ZNF236: variants seen among roughly 807,000 people sequenced by gnomAD.
The protein encoded by ZNF236 is zinc finger protein 236.
A neutral mutation model predicts 191.2 loss-of-function variants in ZNF236; 50 were observed. That is an observed-to-expected ratio of 0.26 (90% confidence interval 0.21 to 0.33). The LOEUF (loss-of-function observed/expected upper bound fraction) is 0.33. Ranked by LOEUF, ZNF236 falls within the 10% of genes least tolerant of loss-of-function variation. The pLI, the probability that ZNF236 is intolerant of heterozygous loss-of-function variation, is 1.00. For synonymous variants in ZNF236, 907 were observed against 928.8 expected, an observed-to-expected ratio of 0.98 and a Z score of 0.43; for missense variants, 1,754 against 2,374.5, an observed-to-expected ratio of 0.74 and a Z score of 5.43.
At chr18:76,841,502 A>G (rs1243064169) in intron 1 of ZNF236, among the ~76,000 whole-genome samples, 1 of 152,234 alleles carries the variant, frequency 6.6e-6, no homozygotes, top group Non-Finnish European at 1.5e-5. Context: ...TATTATGGCA[A>G]ATACCAAAGT....
chr18:76,875,544 G>A lies in ZNF236; in HGVS notation c.720G>A (p.Gly240=), dbSNP rs1390635260. 1 of 1,589,840 alleles carries A rather than the reference G, an allele frequency of 6.3e-7. No homozygotes were observed. Among genetic ancestry groups the A allele is most frequent in the Admixed American group, 1.8e-5 (1 of 57,132 alleles). Residue 240 remains glycine, a synonymous_variant, in exon 6 of 31, where the codon GGG becomes GGA. Transcript: ENST00000320610. This position sits in a 1 kb window ranked among gnomAD's most constrained non-coding sequence, Gnocchi z 4.3. ...SECGKAFNQK[G]ALQTHMIKHT... is the part of the protein sequence containing the mutation. ...GTGGAAAGGCTTTTAACCAGAAGGG[G>A]GCACTGCAGACCCACATGATCAAGC...
chr18:76,952,390 A>G (rs1968430331), intron 27 of ZNF236, among the ~76,000 whole-genome samples: 1 of 152,246 alleles, frequency 6.6e-6, no homozygotes, highest in African/African-American at 2.4e-5. Flanking sequence ...TTCTTGTCAC[A>G]GATGGAATGC....
At chr18:76,911,239 G>T (rs1200660608) in intron 16 of ZNF236, among the ~76,000 whole-genome samples, 2 of 152,120 alleles carry the variant, frequency 1.3e-5, no homozygotes, top group East Asian at 3.9e-4. Flanking sequence ...CTTACTCCTG[G>T]TTGGAGACAT....
intron 30 of ZNF236, 148 bp downstream of exon 30, chr18:76,961,003 A>G: frequency 1.1e-6 from 1 of 937,748 alleles, no homozygotes; most frequent in Non-Finnish European, 1.5e-6. Flanking sequence ...CTTGTGCTTT[A>G]TTTTATTTTT....
At chr18:76,835,220 T>C (rs1975287513) in intron 1 of ZNF236, among the ~76,000 whole-genome samples, 1 of 152,210 alleles carries the variant, frequency 6.6e-6, no homozygotes, top group Non-Finnish European at 1.5e-5. Context: ...AATTTTGAAA[T>C]TACCTTCATT....
intron 1 of ZNF236, among the ~76,000 whole-genome samples, chr18:76,827,658 T>G (rs1023227115): frequency 1.3e-5 from 2 of 152,170 alleles, no homozygotes; most frequent in East Asian, 3.8e-4. Flanking sequence ...TTGTTAAAAT[T>G]CAAGCCTAAA....
intron 13 of ZNF236, among the ~76,000 whole-genome samples, 172 bp from the exon 14 acceptor site, chr18:76,908,148 C>T (rs1967109594): frequency 6.6e-6 from 1 of 152,196 alleles, no homozygotes; most frequent in Admixed American, 6.5e-5. Context: ...AACGAGCTCT[C>T]TTCAGAGTTA....
chr18:76,887,932 C>T (rs1232024043), intron 9 of ZNF236: 1 of 152,048 alleles, frequency 6.6e-6, no homozygotes, highest in Non-Finnish European at 1.5e-5. Flanking sequence ...GCCCCAAGAC[C>T]CAGCACTGAC....
rs747494287 is a variant in ZNF236 at position 76,937,195 on chromosome 18, C to T, written c.4634C>T (p.Pro1545Leu). 2.9e-5 allele frequency: 46 copies of T among 1,613,974 alleles called. No homozygotes were observed. Among genetic ancestry groups the T allele is most frequent in the South Asian group, 4.4e-5 (4 of 91,074 alleles). The change falls in exon 26 of 31, where the codon CCG becomes CTG. Residue 1545 changes from proline to leucine, a missense_variant. Pro to Leu is a moderately conservative substitution (Grantham distance 98). This residue lies in a region of ZNF236 where 606 missense variants were observed against 761.5 expected (regional missense o/e 0.80). Transcript: ENST00000320610. The stretch of plus-strand genomic sequence containing the variant: ...AGCGGAAGCCTTCCTTCAACAACAC[C>T]GATGTCTCCATCGGCCATCTCGACT... The part of the protein sequence containing the change: ...TTSGSLPSTT[P>L]MSPSAISTQN...
chr18:76,837,281 C>T (rs1232999374), intron 1 of ZNF236, among the ~76,000 whole-genome samples: 1 of 152,052 alleles, frequency 6.6e-6, no homozygotes, highest in African/African-American at 2.4e-5. Context: ...AAATTTAAGA[C>T]ACTGTTGCCA....
intron 10 of ZNF236, among the ~76,000 whole-genome samples, chr18:76,896,785 C>G (rs943788463): frequency 6.6e-6 from 1 of 151,594 alleles, no homozygotes; most frequent in Admixed American, 6.6e-5. Context: ...GTACTGCATA[C>G]AGGTATGGCC....
intron 3 of ZNF236, among the ~76,000 whole-genome samples, chr18:76,861,550 A>C (rs1976225346): frequency 6.6e-6 from 1 of 152,186 alleles, no homozygotes; most frequent in Non-Finnish European, 1.5e-5. Context: ...GCACAATTAA[A>C]AGTCTTTTCC....
At chr18:76,834,741 G>T in intron 1 of ZNF236, 1 of 433,380 alleles carries the variant, frequency 2.3e-6, no homozygotes, top group Non-Finnish European at 4.5e-6. Flanking sequence ...TCATCCTTTC[G>T]GATGGGCATG....
Position 76,826,513 on chromosome 18 carries a change from T to C in ZNF236, c.55+3851T>C, listed in dbSNP as rs1012508256. 2.6e-5 allele frequency among the ~76,000 whole-genome samples: 4 copies of C among 151,446 alleles called. No individual in the cohort carries two copies. The South Asian group carries it at 8.4e-4, about 32-fold the overall frequency. On this transcript the variant is annotated intron_variant, in intron 1 of 30. Coordinates refer to ENST00000320610, the MANE Select transcript of ZNF236 (RefSeq NM_001306089.2). ...GTGTCCAAAGCATGCATTTTAGGCC[T>C]GTCATGGTGGCTCACACCTGTAATC...
intron 9 of ZNF236, chr18:76,884,866 AAGCTAAGTGCAGGT>A (rs1175020197): frequency 6.6e-6 from 1 of 152,162 alleles, no homozygotes; most frequent in Non-Finnish European, 1.5e-5. Flanking sequence ...AATTGCGTAA[AAGCTAAGTGCAGGT>A]AGCCTTTCTC....
intron 18 of ZNF236, among the ~76,000 whole-genome samples, chr18:76,915,059 G>A (rs1233327415): frequency 6.6e-6 from 1 of 152,174 alleles, no homozygotes; most frequent in Non-Finnish European, 1.5e-5. Context: ...GAGGCAGAGA[G>A]CAGCAATATA....
chr18:76,879,046 T>A (rs1467807793), intron 7 of ZNF236, among the ~76,000 whole-genome samples: 1 of 152,228 alleles, frequency 6.6e-6, no homozygotes, highest in African/African-American at 2.4e-5. Context: ...CCAATAATTA[T>A]GTCTTCAAAA....
rs1306637313 is a variant in ZNF236 at position 76,925,274 on chromosome 18, A to G, written c.3747A>G (p.Gly1249=). The G allele has an allele frequency of 6.2e-7, 1 of 1,614,162 alleles. No homozygotes were observed. Among genetic ancestry groups the G allele is most frequent in the Non-Finnish European group, 8.5e-7 (1 of 1,180,034 alleles). ...AGGTCCACATGCGCCTGCACACGGG[A>G]GCCAAGCCCTTCAAATGCCCGCATT... ...SLKVHMRLHT[G]AKPFKCPHCE... Residue 1249 remains glycine, a synonymous_variant, in exon 22 of 31, where the codon GGA becomes GGG. Transcript: ENST00000320610. The surrounding 1 kb of genome is among the most constrained non-coding windows in gnomAD (Gnocchi z 5.7).
chr18:76,890,878 C>G (rs141128026), intron 9 of ZNF236, among the ~76,000 whole-genome samples: 2 of 152,086 alleles, frequency 1.3e-5, no homozygotes, highest in African/African-American at 4.8e-5. Context: ...TCTGCCACCC[C>G]AAGAGAGCAA....
Sources: gnomAD v4.1 joint callset for allele counts (sites outside exome capture counted in the v4.1 genomes callset) on GRCh38, gnomAD v4.1.1 for gene constraint, gnomAD v4.1.1 regional missense constraint, Gnocchi (gnomAD v3.1) non-coding constraint, MANE v1.5 for transcripts, NCBI Gene and HGNC (gene_info 2026-07-23, HGNC 2026-07-21) for gene names.